GPHN: variants seen among roughly 807,000 people sequenced by gnomAD.
The protein encoded by GPHN is gephyrin.
A neutral mutation model predicts 95.5 loss-of-function variants in GPHN; 17 were observed. The observed-to-expected ratio is 0.18, with a 90% CI of 0.12 to 0.27. The LOEUF is 0.27. Among genes scored for constraint, GPHN ranks in the 10% least tolerant of loss-of-function variants. The probability of loss-of-function intolerance (pLI) is 1.00; values close to 1 mark genes in which losing one functional copy is unlikely to be tolerated. For synonymous variants in GPHN, 320 were observed against 322.5 expected, an observed-to-expected ratio of 0.99 and a Z score of 0.08; for missense variants, 660 against 978.1, an observed-to-expected ratio of 0.67 and a Z score of 4.34.
intron 3 of GPHN, among the ~76,000 whole-genome samples, chr14:66,790,743 G>A (rs1424188916): frequency 6.6e-6 from 1 of 152,218 alleles, no homozygotes; most frequent in Non-Finnish European, 1.5e-5. Context: ...AGGGAAGCCA[G>A]AGAAAGTCCC....
the GPHN span, chr14:67,557,225 G>A: frequency 1.9e-6 from 3 of 1,581,922 alleles, no homozygotes; most frequent in Non-Finnish European, 1.7e-6. Context: ...TGCACACCCC[G>A]TGTGAGTGAT....
intron 2 of GPHN, among the ~76,000 whole-genome samples, chr14:66,693,580 G>A (rs915392477): frequency 3.3e-5 from 5 of 152,096 alleles, no homozygotes; most frequent in Non-Finnish European, 5.9e-5. Context: ...TTATATCCCA[G>A]CTCCAGAAGA....
chr14:67,166,288 A>G (rs1236381140), intron 20 of GPHN, among the ~76,000 whole-genome samples: 1 of 152,228 alleles, frequency 6.6e-6, no homozygotes, highest in African/African-American at 2.4e-5. Flanking sequence ...AGGACCTTTC[A>G]TAATTCCTTG....
intron 4 of GPHN, among the ~76,000 whole-genome samples, chr14:66,847,076 TTCCTA>T: frequency 6.6e-6 from 1 of 152,258 alleles, no homozygotes; most frequent in Admixed American, 6.5e-5. Flanking sequence ...TTAGCTTTCA[TTCCTA>T]TTACTCAGTA....
chr14:67,715,641 C>T, the GPHN span, among the ~76,000 whole-genome samples: 1 of 152,324 alleles, frequency 6.6e-6, no homozygotes, highest in Admixed American at 6.5e-5. Flanking sequence ...TCCCCAATGC[C>T]AAGTTCGTTC....
intron 9 of GPHN, among the ~76,000 whole-genome samples, chr14:67,019,459 C>G (rs1184746423): frequency 6.6e-6 from 1 of 152,156 alleles, no homozygotes. Flanking sequence ...ATGAACCATA[C>G]TGTATACCAT....
intron 1 of GPHN, among the ~76,000 whole-genome samples, chr14:66,596,202 G>A (rs1038831391): frequency 6.6e-6 from 1 of 151,950 alleles, no homozygotes; most frequent in African/African-American, 2.4e-5. Flanking sequence ...GGTTTCTATG[G>A]GCTTCAGAGG....
chr14:66,708,230 G>A (rs1177990073), intron 2 of GPHN, among the ~76,000 whole-genome samples: 2 of 151,648 alleles, frequency 1.3e-5, no homozygotes, highest in Non-Finnish European at 2.9e-5. Context: ...AAAAAATGGC[G>A]AGCTTAACAA....
intron 1 of GPHN, among the ~76,000 whole-genome samples, chr14:66,603,454 C>A (rs2062359214): frequency 2.0e-5 from 3 of 151,818 alleles, no homozygotes; most frequent in South Asian, 2.1e-4. Context: ...AGTTCAAAGT[C>A]ATTTAAAATG....
intron 1 of GPHN, among the ~76,000 whole-genome samples, chr14:66,515,219 T>C (rs1174098341): frequency 6.6e-6 from 1 of 152,170 alleles, no homozygotes; most frequent in Non-Finnish European, 1.5e-5. Flanking sequence ...GTTCTTTACT[T>C]CTTTTGTGCC....
intron 17 of GPHN, among the ~76,000 whole-genome samples, chr14:67,123,256 T>C (rs929871836): frequency 1.1e-4 from 16 of 152,238 alleles, no homozygotes; most frequent in Non-Finnish European, 2.4e-4. Flanking sequence ...TCTTCCCTTA[T>C]GTTGAGTACT....
the GPHN span, among the ~76,000 whole-genome samples, chr14:67,267,029 C>T: frequency 8.1e-4 from 123 of 152,006 alleles, 1 homozygote; most frequent in Admixed American, 2.5e-3. Context: ...ATCACTTGAG[C>T]CTGGGGAGGC....
chr14:66,594,745 G>C (rs527300366), intron 1 of GPHN, among the ~76,000 whole-genome samples: 2 of 152,164 alleles, frequency 1.3e-5, no homozygotes, highest in East Asian at 3.8e-4. Context: ...AAAGCTCTCT[G>C]TCATTGGTAT....
intron 9 of GPHN, among the ~76,000 whole-genome samples, chr14:66,987,040 T>C (rs1297057134): frequency 2.0e-5 from 3 of 152,160 alleles, no homozygotes; most frequent in African/African-American, 7.2e-5. Context: ...ATTAAAATGT[T>C]ATTTCACCAA....
chr14:67,168,571 A>G (rs892659248), intron 20 of GPHN, among the ~76,000 whole-genome samples: 2 of 152,228 alleles, frequency 1.3e-5, no homozygotes, highest in Non-Finnish European at 2.9e-5. Context: ...AAATGCTTAA[A>G]AAATAGCAAA....
At chr14:67,665,872 G>T in the GPHN span, among the ~76,000 whole-genome samples, 2 of 152,114 alleles carry the variant, frequency 1.3e-5, no homozygotes, top group Non-Finnish European at 2.9e-5. Context: ...AAAGGTAGAG[G>T]AAGGTTCACC....
At chr14:66,704,573 A>G (rs2068882156) in intron 2 of GPHN, among the ~76,000 whole-genome samples, 2 of 152,138 alleles carry the variant, frequency 1.3e-5, no homozygotes, top group African/African-American at 4.8e-5. Context: ...TGGGTAAATA[A>G]TGAAATTAAG....
At chr14:66,842,336 G>A (rs888818062) in intron 4 of GPHN, among the ~76,000 whole-genome samples, 3 of 149,024 alleles carry the variant, frequency 2.0e-5, no homozygotes, top group Non-Finnish European at 4.5e-5. Context: ...AGAGTGGAAG[G>A]GATCCCACTG....
intron 18 of GPHN, among the ~76,000 whole-genome samples, chr14:67,155,804 A>G (rs2081550648): frequency 1.3e-5 from 2 of 152,298 alleles, no homozygotes; most frequent in East Asian, 1.9e-4. Flanking sequence ...CCGGATAAAT[A>G]AAAGAAACCA....
Sources: gnomAD v4.1 joint callset for allele counts (sites outside exome capture counted in the v4.1 genomes callset) on GRCh38, gnomAD v4.1.1 for gene constraint, MANE v1.5 for transcripts, NCBI Gene and HGNC (gene_info 2026-07-23, HGNC 2026-07-21) for gene names.